The following NAALADL2 variants were observed in gnomAD, a reference collection of about 807,000 sequenced individuals.
NAALADL2 encodes the protein N-acetylated alpha-linked acidic dipeptidase like 2.
Under a neutral mutation model 87.2 loss-of-function variants are expected in NAALADL2, and 76 were observed. That is an observed-to-expected ratio of 0.87 (90% CI 0.72 to 1.05). The LOEUF (loss-of-function observed/expected upper bound fraction) is 1.05, where lower values mean the gene tolerates loss of function less well. Among genes scored for constraint, NAALADL2 ranks in the 50% least tolerant of loss-of-function variants. The pLI, the probability that NAALADL2 is intolerant of heterozygous loss-of-function variation, is 0.00. For missense variants in NAALADL2, 1,089 were observed against 945.8 expected (o/e 1.15, Z -1.99); for synonymous variants, 354 against 331.0 (o/e 1.07, Z -0.75).
At chr3:174,510,287 A>T (rs1489455050) in intron 1 of NAALADL2, among the ~76,000 whole-genome samples, 2 of 152,070 alleles carry the variant, frequency 1.3e-5, no homozygotes, top group Non-Finnish European at 2.9e-5. Flanking sequence ...TTTTCTGAAA[A>T]AAGTTTATGT....
In NAALADL2 at chr3:175,447,360, C is replaced by T. The variant is rs766853784; in HGVS notation, c.1222C>T (p.Leu408Phe). The T allele has an allele frequency of 6.4e-7, 1 of 1,569,050 alleles. No homozygotes were observed. Among genetic ancestry groups the T allele is most frequent in the East Asian group, 2.3e-5 (1 of 44,102 alleles). Reference sequence around the variant, plus strand: ...AAATGAAGCGTGTAGCTCTCTAGAGCTTCCAAATAATGGTAAAGTATTTAA... The same window carrying T: ...AAATGAAGCGTGTAGCTCTCTAGAGTTTCCAAATAATGGTAAAGTATTTAA... ...TKNEACSSLE[L>F]PNNEIRVVSM... Residue 408 changes from leucine (L) to phenylalanine (F), a missense_variant, in exon 6 of 14, where the codon CTT becomes TTT. Transcript: ENST00000454872.
intron 11 of NAALADL2, among the ~76,000 whole-genome samples, chr3:175,656,808 A>G (rs537826094): frequency 1.3e-5 from 2 of 152,036 alleles, no homozygotes; most frequent in South Asian, 4.2e-4. Flanking sequence ...AAATTAATCA[A>G]AATTATTCTC....
chr3:175,666,487 TA>T (rs1733012504), intron 11 of NAALADL2, among the ~76,000 whole-genome samples: 1 of 152,202 alleles, frequency 6.6e-6, no homozygotes, highest in African/African-American at 2.4e-5. Context: ...TGCAGGATAT[TA>T]TACATGTTTT....
chr3:175,718,322 G>T lies in NAALADL2; in HGVS notation c.1897-18984G>T, dbSNP rs1741686540. 1.9e-6 allele frequency: 3 copies of T among 1,573,266 alleles called. No individual in the cohort carries two copies. The Admixed American group carries it at 5.2e-5, about 27-fold the overall frequency. On this transcript the variant is annotated intron_variant, in intron 11 of 13. Transcript: ENST00000454872. ...GAAGCTCTTGCAGGACAACTTTGAT[G>T]CTATATGAATTCTGCCATTTTGCTA... is the stretch of plus-strand genomic sequence containing the variant.
intron 1 of NAALADL2, among the ~76,000 whole-genome samples, chr3:174,485,008 C>T (rs551465997): frequency 6.6e-6 from 1 of 151,978 alleles, no homozygotes; most frequent in Non-Finnish European, 1.5e-5. Context: ...TAATTGGGGT[C>T]CCAAAAATAT....
intron 10 of NAALADL2, among the ~76,000 whole-genome samples, chr3:175,583,218 C>T (rs1720037741): frequency 6.6e-6 from 1 of 152,092 alleles, no homozygotes; most frequent in African/African-American, 2.4e-5. Context: ...AAGAGAGTAT[C>T]GTGTTGCATA....
At chr3:174,968,391 C>T (rs1187029823) in intron 1 of NAALADL2, among the ~76,000 whole-genome samples, 2 of 152,226 alleles carry the variant, frequency 1.3e-5, no homozygotes, top group Middle Eastern at 3.4e-3. Flanking sequence ...GAAGCCAAGG[C>T]TCAAATACAA....
chr3:175,801,840 A>G (rs1754191322), intron 13 of NAALADL2, among the ~76,000 whole-genome samples: 1 of 152,132 alleles, frequency 6.6e-6, no homozygotes. Flanking sequence ...ATGAATGTAT[A>G]AAGGGGACTG....
At chr3:175,019,911 A>G (rs1751355215) in intron 1 of NAALADL2, among the ~76,000 whole-genome samples, 1 of 152,088 alleles carries the variant, frequency 6.6e-6, no homozygotes, top group African/African-American at 2.4e-5. Flanking sequence ...CTCCAAGCAT[A>G]TGCTATTGGG....
At chr3:175,075,793 A>G (rs1168522826) in intron 1 of NAALADL2, among the ~76,000 whole-genome samples, 1 of 152,208 alleles carries the variant, frequency 6.6e-6, no homozygotes, top group Non-Finnish European at 1.5e-5. Flanking sequence ...CACAACTGAC[A>G]CCTGAACTAT....
chr3:174,732,753 G>C (rs1732826451), intron 2 of NAALADL2, among the ~76,000 whole-genome samples: 1 of 152,088 alleles, frequency 6.6e-6, no homozygotes, highest in South Asian at 2.1e-4. Context: ...GACTGTTTTA[G>C]AAAAAGGAGA....
intron 3 of NAALADL2, among the ~76,000 whole-genome samples, chr3:174,752,249 T>C (rs1228619143): frequency 6.6e-6 from 1 of 152,196 alleles, no homozygotes; most frequent in African/African-American, 2.4e-5. Flanking sequence ...GTGCTGGGAT[T>C]ACAGGTGTGA....
intron 2 of NAALADL2, among the ~76,000 whole-genome samples, chr3:174,715,254 C>T (rs980775655): frequency 6.6e-5 from 10 of 152,048 alleles, no homozygotes; most frequent in Non-Finnish European, 1.2e-4. Context: ...GATATCTAGG[C>T]ACATATTTTA....
At chr3:175,514,585 C>T (rs1043235685) in intron 9 of NAALADL2, among the ~76,000 whole-genome samples, 19 of 151,962 alleles carry the variant, frequency 1.3e-4, no homozygotes, top group African/African-American at 2.2e-4. Context: ...TCCTCTCTTC[C>T]GGTTGGAATG....
chr3:174,545,948 C>T (rs1417546996), intron 1 of NAALADL2, among the ~76,000 whole-genome samples: 1 of 150,694 alleles, frequency 6.6e-6, no homozygotes, highest in African/African-American at 2.4e-5. Context: ...TTGTTGAAAT[C>T]TTACTCTCTG....
intron 4 of NAALADL2, among the ~76,000 whole-genome samples, chr3:175,271,719 G>T (rs573047499): frequency 6.6e-6 from 1 of 152,178 alleles, no homozygotes; most frequent in Non-Finnish European, 1.5e-5. Context: ...TTGAACAAGG[G>T]GGGAGGCAGA....
At chr3:174,710,934 G>A (rs1405337309) in intron 2 of NAALADL2, among the ~76,000 whole-genome samples, 2 of 152,314 alleles carry the variant, frequency 1.3e-5, no homozygotes, top group Admixed American at 1.3e-4. Context: ...GCTTATAAAT[G>A]GGTATTGTTT....
At chr3:174,611,923 C>T (rs919067631) in intron 2 of NAALADL2, among the ~76,000 whole-genome samples, 1 of 144,852 alleles carries the variant, frequency 6.9e-6, no homozygotes, top group Non-Finnish European at 1.5e-5. Flanking sequence ...GATTAATGTC[C>T]TTTTTTTTTT....
chr3:175,344,702 G>A (rs1762945464), intron 5 of NAALADL2, among the ~76,000 whole-genome samples: 1 of 151,888 alleles, frequency 6.6e-6, no homozygotes. Context: ...AAGTAGTTAT[G>A]GATGGTACAT....
Sources: allele counts gnomAD v4.1 joint callset (sites outside exome capture counted in the v4.1 genomes callset), GRCh38; gene constraint gnomAD v4.1.1; transcripts MANE v1.5; gene names NCBI Gene and HGNC (gene_info 2026-07-23, HGNC 2026-07-21).